Variants in GAB1 observed in about 807,000 individuals in gnomAD.
GAB1 encodes GRB2-associated-binding protein 1.
In GAB1, 19 loss-of-function variants were observed where a neutral mutation model predicts 66.5. The ratio of observed to expected loss-of-function variants is 0.29; its 90% confidence interval spans 0.20 to 0.42. The LOEUF is 0.42. GAB1 is among the 10% of genes least tolerant of loss of function. GAB1 has a pLI of 1.00. For missense variants in GAB1, 732 were observed against 858.5 expected, an observed-to-expected ratio of 0.85 and a Z score of 1.84; for synonymous variants, 294 against 301.4, an observed-to-expected ratio of 0.98 and a Z score of 0.25.
At chr4:143,348,105 C>G (rs1379551163) in intron 1 of GAB1, among the ~76,000 whole-genome samples, 1 of 152,142 alleles carries the variant, frequency 6.6e-6, no homozygotes, top group Non-Finnish European at 1.5e-5. Flanking sequence ...ATCGTGAACT[C>G]CTTTGAAAAT....
intron 1 of GAB1, among the ~76,000 whole-genome samples, chr4:143,369,294 C>T (rs1730017918): frequency 6.6e-6 from 1 of 152,208 alleles, no homozygotes; most frequent in African/African-American, 2.4e-5. Context: ...CCAGGTTGGT[C>T]TCAAACTCCT....
At chr4:143,387,928 C>G (rs533365736) in intron 1 of GAB1, among the ~76,000 whole-genome samples, 31 of 152,264 alleles carry the variant, frequency 2.0e-4, no homozygotes, top group African/African-American at 5.8e-4. Context: ...TTGCCACCAC[C>G]ACGTATTTGC....
chr4:143,386,492 A>G (rs2149681697), intron 1 of GAB1, among the ~76,000 whole-genome samples: 1 of 152,204 alleles, frequency 6.6e-6, no homozygotes, highest in African/African-American at 2.4e-5. Flanking sequence ...GGCACAAGTG[A>G]TTCTCCCACT....
intron 8 of GAB1, among the ~76,000 whole-genome samples, chr4:143,465,480 T>G (rs28924071): frequency 1.4e-3 from 206 of 152,318 alleles, no homozygotes; most frequent in African/African-American, 4.7e-3. Flanking sequence ...GTTAGTAGTA[T>G]TATTGCTCTT....
chr4:143,404,715 C>T (rs1036944118), intron 1 of GAB1, among the ~76,000 whole-genome samples: 2 of 152,160 alleles, frequency 1.3e-5, no homozygotes, highest in African/African-American at 4.8e-5. Flanking sequence ...TGCTCCATTG[C>T]ACACAGCCTG....
rs1734155367 is a variant in GAB1 at position 143,440,278 on chromosome 4, A to C, written c.1481A>C (p.His494Pro). ...SFGMQVPPPA[H>P]MGFRSSPKTP... Reference sequence around the variant, plus strand: ...GGAATGCAAGTTCCTCCTCCTGCTCATATGGGCTTCAGGTCCAGCCCAAAA... The same window carrying C: ...GGAATGCAAGTTCCTCCTCCTGCTCCTATGGGCTTCAGGTCCAGCCCAAAA... Residue 494 changes from histidine to proline, a missense_variant, in exon 6 of 10, where the codon CAT (histidine) becomes CCT (proline). Around this residue, in one of 4 missense-constraint regions of GAB1, gnomAD observed 204 missense variants for 276.8 expected, o/e 0.74. Transcript: ENST00000262994. The C allele has an allele frequency of 6.2e-7, 1 of 1,614,006 alleles. No individual in the cohort carries two copies. Among genetic ancestry groups the C allele is most frequent in the Non-Finnish European group, 8.5e-7 (1 of 1,179,996 alleles).
intron 1 of GAB1, among the ~76,000 whole-genome samples, chr4:143,402,854 A>G (rs1731848181): frequency 6.6e-6 from 1 of 152,236 alleles, no homozygotes; most frequent in African/African-American, 2.4e-5. Flanking sequence ...TATTTAGAAG[A>G]CAGTGCAGAT....
chr4:143,460,253 C>A, intron 7 of GAB1, 111 bp from the exon 8 acceptor site: 2 of 998,590 alleles, frequency 2.0e-6, no homozygotes, highest in Admixed American at 1.8e-5. Flanking sequence ...TGATTATAAA[C>A]ATAAGGGAAT....
intron 1 of GAB1, among the ~76,000 whole-genome samples, chr4:143,378,627 G>GCGTCTCTC (rs1730514782): frequency 8.6e-6 from 1 of 116,222 alleles, no homozygotes; most frequent in Non-Finnish European, 1.7e-5. Context: ...AACTTCCAAA[G>GCGTCTCTC]TGTCTCTCTC....
intron 2 of GAB1, among the ~76,000 whole-genome samples, chr4:143,427,582 G>A (rs73850418): frequency 3.6e-4 from 54 of 150,772 alleles, no homozygotes; most frequent in African/African-American, 1.2e-3. Context: ...CCCTTTTTCC[G>A]GCATGTCAGG....
chr4:143,459,233 T>A (rs1378767506), intron 6 of GAB1, 152 bp from the exon 7 acceptor site: 1 of 607,948 alleles, frequency 1.6e-6, no homozygotes, highest in African/African-American at 1.8e-5. Flanking sequence ...GGGCAAATCA[T>A]GTAACATTCA....
intron 1 of GAB1, among the ~76,000 whole-genome samples, chr4:143,343,073 G>A (rs897048529): frequency 7.2e-5 from 11 of 152,038 alleles, no homozygotes; most frequent in African/African-American, 2.4e-4. Flanking sequence ...GTCAGGACCC[G>A]GATTCTACTT....
At chr4:143,421,339 A>C (rs1733003025) in intron 2 of GAB1, among the ~76,000 whole-genome samples, 1 of 152,110 alleles carries the variant, frequency 6.6e-6, no homozygotes, top group Non-Finnish European at 1.5e-5. Context: ...TTTTTAGTTA[A>C]CACAAAGCTG....
intron 1 of GAB1, among the ~76,000 whole-genome samples, chr4:143,354,403 TAGAG>T (rs1729358374): frequency 1.3e-5 from 2 of 152,204 alleles, no homozygotes; most frequent in African/African-American, 2.4e-5. Flanking sequence ...TAAATGCTCT[TAGAG>T]AGAAGCATAA....
At chr4:143,445,061 G>A (rs565160254) in intron 6 of GAB1, among the ~76,000 whole-genome samples, 10 of 152,240 alleles carry the variant, frequency 6.6e-5, no homozygotes, top group Middle Eastern at 3.4e-3. Flanking sequence ...ATGCGAGTTC[G>A]TGTGTCTTTT....
intron 6 of GAB1, among the ~76,000 whole-genome samples, chr4:143,453,932 A>T (rs1735055224): frequency 6.6e-6 from 1 of 152,144 alleles, no homozygotes; most frequent in African/African-American, 2.4e-5. Flanking sequence ...AGTACCTAAG[A>T]ACTCCTCAAT....
intron 1 of GAB1, among the ~76,000 whole-genome samples, chr4:143,404,146 A>G (rs1470960197): frequency 1.3e-5 from 2 of 152,252 alleles, no homozygotes; most frequent in Non-Finnish European, 2.9e-5. Context: ...CTGGAAATTC[A>G]AAACAGTAGT....
intron 1 of GAB1, among the ~76,000 whole-genome samples, chr4:143,390,108 G>C (rs3792652): frequency 0.37 from 56,543 of 151,994 alleles, 10,641 homozygotes; most frequent in South Asian, 0.5. Flanking sequence ...TCATAGTGCT[G>C]GTTCGAGGTA....
At chr4:143,460,541 G>A (rs1405408818) in intron 8 of GAB1, 54 bp downstream of exon 8, 1 of 1,558,182 alleles carries the variant, frequency 6.4e-7, no homozygotes, top group African/African-American at 1.4e-5. Flanking sequence ...AGTCATTCAA[G>A]CTAGAACTGT....
Sources: gnomAD v4.1 joint callset for allele counts (sites outside exome capture counted in the v4.1 genomes callset) on GRCh38, gnomAD v4.1.1 for gene constraint, gnomAD v4.1.1 regional missense constraint, MANE v1.5 for transcripts, NCBI Gene and HGNC (gene_info 2026-07-23, HGNC 2026-07-21) for gene names.